The following CFAP57 variants were observed in gnomAD, a reference collection of about 807,000 sequenced individuals.
The protein encoded by CFAP57 is cilia- and flagella-associated protein 57.
A neutral mutation model predicts 146.8 loss-of-function variants in CFAP57; 116 were observed. That is an observed-to-expected ratio of 0.79 (90% CI 0.68 to 0.92). The LOEUF is 0.92. Among genes scored for constraint, CFAP57 ranks in the 40% least tolerant of loss-of-function variants. CFAP57 has a pLI of 0.00. For missense variants in CFAP57, 1,377 were observed against 1,527.2 expected, an observed-to-expected ratio of 0.90 and a Z score of 1.64; for synonymous variants, 518 against 552.8, an observed-to-expected ratio of 0.94 and a Z score of 0.88.
rs1645102780 is a variant in CFAP57 at position 43,222,901 on chromosome 1, A to G, written c.2610A>G (p.Glu870=). ...KKQIEEDEDR[E]IQDIKTKYEK... ...AGATTGAGGAAGATGAAGACCGAGA[A>G]ATCCAAGATATCAAAACCAAGTATG... The change falls in exon 16 of 23, where the codon GAA becomes GAG. Residue 870 remains glutamate (E), a synonymous_variant. Transcript: ENST00000372492. 7 of 1,550,476 alleles carry G rather than the reference A, an allele frequency of 4.5e-6. No individual in the cohort carries two copies. In the South Asian group the frequency reaches 8.3e-5, roughly 18 times the overall value.
rs537712941 is a variant in CFAP57, at chr1:43,182,982, C to T, written c.475-609C>T. On this transcript the variant is annotated intron_variant, in intron 3 of 22. Transcript: ENST00000372492. ...GACCAAGTAATACGCTTTCATGATG[C>T]AGGGCAGCAGCTGCAGCCACAGCCC... Among the ~76,000 whole-genome samples the T allele has an allele frequency of 5.9e-5, 9 of 152,346 alleles. No homozygotes were observed. In the East Asian group the frequency reaches 1.3e-3, roughly 23 times the overall value.
intron 12 of CFAP57, among the ~76,000 whole-genome samples, chr1:43,217,778 C>T (rs750522325): frequency 7.2e-5 from 11 of 152,136 alleles, no homozygotes; most frequent in Admixed American, 5.2e-4. Context: ...GTCCGTGCTG[C>T]GTACCGCCAT....
chr1:43,253,983 G>A lies in CFAP57; in HGVS notation c.3545G>A (p.Ser1182Asn). The change falls in exon 23 of 23, where the codon AGC becomes AAC. Residue 1182 changes from serine to asparagine, a missense_variant. Physicochemically the swap from Ser to Asn is conservative, Grantham distance 46 (BLOSUM62 1). Transcript: ENST00000372492. ...RPQEVSETEPSRDMLSTAPTA... is the reference protein window; with the variant it reads ...RPQEVSETEPNRDMLSTAPTA... ...GTCCTGTTGTCTCTTACAGAACCCAGCAGGGACATGCTCAGCACAGCTCCC... is the reference window on the plus strand; with the variant it reads ...GTCCTGTTGTCTCTTACAGAACCCAACAGGGACATGCTCAGCACAGCTCCC... 1 of 1,550,566 alleles carries A rather than the reference G, an allele frequency of 6.4e-7. No homozygotes were observed. Among genetic ancestry groups the A allele is most frequent in the South Asian group, 1.2e-5 (1 of 84,046 alleles).
At chr1:43,207,923 A>G (rs1490449878) in intron 10 of CFAP57, among the ~76,000 whole-genome samples, 2 of 152,244 alleles carry the variant, frequency 1.3e-5, no homozygotes, top group African/African-American at 2.4e-5. Context: ...AATGGCAGCT[A>G]TCAGTGCTGT....
intron 12 of CFAP57, among the ~76,000 whole-genome samples, chr1:43,217,056 C>G (rs990162642): frequency 1.9e-4 from 29 of 152,328 alleles, no homozygotes; most frequent in African/African-American, 6.5e-4. Flanking sequence ...GAGCCTTGCT[C>G]AGATCCTTCC....
intron 19 of CFAP57, 126 bp from the exon 20 acceptor site, chr1:43,234,153 C>G: frequency 9.0e-7 from 1 of 1,113,922 alleles, no homozygotes. Flanking sequence ...TGGCCCCTGG[C>G]AGTCAGCTGT....
Position 43,234,555 on chromosome 1 carries a change from C to T in CFAP57, c.3322C>T (p.Leu1108=). The T allele has an allele frequency of 6.4e-7, 1 of 1,550,488 alleles. No homozygotes were observed. The highest frequency in any genetic ancestry group is 1.2e-5 in the South Asian group (1 of 84,038). ...QQEYTRQREH[L]ERNLATLKKK... ...GGAGTACACCCGGCAGCGGGAGCAC[C>T]TGGAGAGGAACCTGGCCACTCTCAA... is the stretch of plus-strand genomic sequence containing the variant. Residue 1108 remains leucine (L), a synonymous_variant, in exon 21 of 23, where the codon CTG becomes TTG. Coordinates refer to ENST00000372492, the MANE Select transcript of CFAP57 (RefSeq NM_001378189.1).
intron 19 of CFAP57, among the ~76,000 whole-genome samples, chr1:43,233,777 C>G (rs549770595): frequency 2.0e-5 from 3 of 152,228 alleles, no homozygotes; most frequent in Admixed American, 6.5e-5. Flanking sequence ...GGACACTAGC[C>G]CAACTGTGTA....
intron 9 of CFAP57, among the ~76,000 whole-genome samples, chr1:43,205,763 A>G (rs1244980050): frequency 6.6e-6 from 1 of 151,972 alleles, no homozygotes; most frequent in Non-Finnish European, 1.5e-5. Context: ...CCCTTTCCAG[A>G]CCGAAACCAT....
In CFAP57 at chr1:43,183,846, A is replaced by G. The variant is rs200092574; in HGVS notation, c.730A>G (p.Lys244Glu). ...IMVKEPTNGS[K>E]SLDVIQESES... ...GGTCAAGGAACCTACCAATGGCTCAAAGAGCCTGGATGTCATTCAGGAATC... is the reference window on the plus strand; with the variant it reads ...GGTCAAGGAACCTACCAATGGCTCAGAGAGCCTGGATGTCATTCAGGAATC... The change falls in exon 4 of 23, where the codon AAG (lysine) becomes GAG (glutamate). Residue 244 changes from lysine (K) to glutamate (E), a missense_variant. Coordinates refer to ENST00000372492, the MANE Select transcript of CFAP57 (RefSeq NM_001378189.1). 6 of 1,614,162 alleles carry G rather than the reference A, an allele frequency of 3.7e-6. No individual in the cohort carries two copies. The highest frequency in any genetic ancestry group is 1.1e-5 in the South Asian group (1 of 91,070).
intron 11 of CFAP57, among the ~76,000 whole-genome samples, chr1:43,214,445 A>C (rs937025430): frequency 1.3e-4 from 20 of 152,314 alleles, no homozygotes; most frequent in African/African-American, 4.8e-4. Flanking sequence ...TGTATCAATC[A>C]TAGTTTATTC....
At chr1:43,177,209 C>T (rs1187490080) in intron 2 of CFAP57, 2 of 456,188 alleles carry the variant, frequency 4.4e-6, no homozygotes, top group Non-Finnish European at 8.8e-6. Context: ...TGCTGTAATT[C>T]AGGTGAGAGA....
At chr1:43,218,767 A>G (rs1309513546) in intron 12 of CFAP57, among the ~76,000 whole-genome samples, 1 of 152,152 alleles carries the variant, frequency 6.6e-6, no homozygotes, top group Non-Finnish European at 1.5e-5. Context: ...TTGGGCACTT[A>G]CCACAATTTG....
At chr1:43,214,579 A>G (rs1644763225) in intron 11 of CFAP57, among the ~76,000 whole-genome samples, 1 of 152,206 alleles carries the variant, frequency 6.6e-6, no homozygotes, top group African/African-American at 2.4e-5. Context: ...GCTGTGACCA[A>G]TCATATACAG....
intron 11 of CFAP57, 64 bp downstream of exon 11, chr1:43,209,980 C>G: frequency 6.2e-7 from 1 of 1,613,256 alleles, no homozygotes; most frequent in Non-Finnish European, 8.5e-7. Context: ...CTTGTTCATC[C>G]CTTCAACCTC....
In CFAP57 at chr1:43,198,695, C is replaced by A. The variant is rs200217333; in HGVS notation, c.1428+49C>A. On this transcript the variant is annotated intron_variant, in intron 8 of 22. Coordinates refer to ENST00000372492, the MANE Select transcript of CFAP57 (RefSeq NM_001378189.1). Reference sequence around the variant, plus strand: ...AAAAGTCCAGTTTCTTAGAAAGCCACGGCTGAAATATCAGGAACTAACATG... The same window carrying A: ...AAAAGTCCAGTTTCTTAGAAAGCCAAGGCTGAAATATCAGGAACTAACATG... 81 of 1,600,078 alleles carry A rather than the reference C, an allele frequency of 5.1e-5. No individual in the cohort carries two copies. The East Asian group carries it at 1.6e-3, about 32-fold the overall frequency.
rs144649635 is a variant in CFAP57, at chr1:43,209,965, C to T, written c.1929+49C>T. ...AACCCAGTCCCACACCTGCCTGCTA[C>T]GTGCCTTGTTCATCCCTTCAACCTC... On this transcript the variant is annotated intron_variant, in intron 11 of 22. Coordinates refer to ENST00000372492, the MANE Select transcript of CFAP57 (RefSeq NM_001378189.1). The T allele has an allele frequency of 4.3e-5, 70 of 1,613,458 alleles. No individual in the cohort carries two copies. Among genetic ancestry groups the T allele is most frequent in the Non-Finnish European group, 5.4e-5 (64 of 1,179,496 alleles).
rs1488541856 is a variant in CFAP57 at position 43,254,323 on chromosome 1, G to A, written c.*132G>A. ...CAGCAACCTCTTTCTCTTGCCCTGG[G>A]GAATTTGGGACACAGAATAAAGGTG... On this transcript the variant is annotated 3_prime_UTR_variant, in exon 23 of 23. Transcript: ENST00000372492. 2.5e-6 allele frequency: 2 copies of A among 784,608 alleles called. No individual in the cohort carries two copies. Among genetic ancestry groups the A allele is most frequent in the Non-Finnish European group, 4.0e-6 (2 of 502,228 alleles). The allele number at this position is 784,608 out of a possible 1,614,324, so 48.6% of individuals were successfully genotyped here.
At chr1:43,180,671 C>T (rs2124261729) in intron 2 of CFAP57, among the ~76,000 whole-genome samples, 1 of 152,226 alleles carries the variant, frequency 6.6e-6, no homozygotes, top group Non-Finnish European at 1.5e-5. Context: ...GGTTCTAGGT[C>T]ACTGAGAGCC....
Sources: allele counts gnomAD v4.1 joint callset (sites outside exome capture counted in the v4.1 genomes callset), GRCh38; gene constraint gnomAD v4.1.1; transcripts MANE v1.5; gene names NCBI Gene and HGNC (gene_info 2026-07-23, HGNC 2026-07-21).